Variants in PIK3AP1 observed in about 807,000 individuals in gnomAD.
PIK3AP1 encodes the protein phosphoinositide 3-kinase adapter protein 1.
In PIK3AP1, 21 loss-of-function variants were observed where a neutral mutation model predicts 88.1. The ratio of observed to expected loss-of-function variants is 0.24; its 90% CI spans 0.17 to 0.34. The LOEUF is 0.34. Among genes scored for constraint, PIK3AP1 ranks in the 10% least tolerant of loss-of-function variants. The pLI is 1.00. For missense variants in PIK3AP1, 828 were observed against 1,035.7 expected, an observed-to-expected ratio of 0.80 and a Z score of 2.75; for synonymous variants, 398 against 400.0, an observed-to-expected ratio of 1.00 and a Z score of 0.06.
In PIK3AP1 at chr10:96,656,688, A is replaced by T. The variant is rs1338728505; in HGVS notation, c.567+110T>A. 5 of 1,443,190 alleles carry T rather than the reference A, an allele frequency of 3.5e-6. No individual in the cohort carries two copies. The African/African-American group carries it at 7.1e-5, about 20-fold the overall frequency. 89.4% of individuals were successfully genotyped at this position (1,443,190 alleles called of 1,614,324 possible). On this transcript the variant is annotated intron_variant, in intron 3 of 16. Coordinates refer to ENST00000339364, the MANE Select transcript of PIK3AP1 (RefSeq NM_152309.3). ...AAAAGAAATCCCAAAGGAAGGCTGC[A>T]ATTATACTGAGGTGCAATACAAGAA...
chr10:96,673,453 G>A (rs181090455), intron 2 of PIK3AP1, among the ~76,000 whole-genome samples: 10 of 152,174 alleles, frequency 6.6e-5, no homozygotes, highest in Admixed American at 3.9e-4. Flanking sequence ...CTGTTTCCTC[G>A]TTCAGGAAAC....
At chr10:96,656,727 C>T (rs775124164) in intron 3 of PIK3AP1, 71 bp downstream of exon 3, 62 of 1,579,224 alleles carry the variant, frequency 3.9e-5, no homozygotes, top group Non-Finnish European at 5.3e-5. Context: ...ACTCTCTTTA[C>T]TGCAACAAAT....
At chr10:96,645,340 T>C in intron 8 of PIK3AP1, 133 bp downstream of exon 8, 1 of 859,358 alleles carries the variant, frequency 1.2e-6, no homozygotes, top group South Asian at 1.9e-5. Context: ...CCTAGCTTTG[T>C]GTAAAACAGG....
At chr10:96,597,340 C>A in intron 16 of PIK3AP1, among the ~76,000 whole-genome samples, 1 of 14,328 alleles carries the variant, frequency 7.0e-5, no homozygotes, top group Non-Finnish European at 2.1e-4. Context: ...CTTTCCTTCC[C>A]TCCCTCCCTC....
intron 2 of PIK3AP1, among the ~76,000 whole-genome samples, chr10:96,659,800 A>G (rs1441011442): frequency 1.3e-5 from 2 of 152,120 alleles, no homozygotes; most frequent in Admixed American, 1.3e-4. Context: ...TAACCATGAA[A>G]AAAAGTAATA....
intron 3 of PIK3AP1, among the ~76,000 whole-genome samples, chr10:96,655,492 G>C (rs977669084): frequency 5.3e-5 from 8 of 152,146 alleles, no homozygotes; most frequent in African/African-American, 4.8e-5. Context: ...GGATGAGAGA[G>C]ACAGACTCTG....
intron 11 of PIK3AP1, chr10:96,620,798 C>G: frequency 2.1e-6 from 1 of 477,740 alleles, no homozygotes; most frequent in Non-Finnish European, 3.8e-6. Context: ...GTGAAATCTG[C>G]TGACTCTCCC....
intron 2 of PIK3AP1, among the ~76,000 whole-genome samples, chr10:96,700,343 C>T (rs1844281287): frequency 1.3e-5 from 2 of 152,042 alleles, no homozygotes; most frequent in Admixed American, 1.3e-4. Context: ...TTTCCATGGG[C>T]ACAAAATCTA....
intron 8 of PIK3AP1, among the ~76,000 whole-genome samples, chr10:96,629,858 C>G (rs774481927): frequency 1.4e-4 from 19 of 140,134 alleles, no homozygotes; most frequent in Non-Finnish European, 2.6e-4. Context: ...CATGCCACTG[C>G]ACTCCAGCCG....
At chr10:96,662,805 C>T (rs1843707938) in intron 2 of PIK3AP1, among the ~76,000 whole-genome samples, 1 of 137,510 alleles carries the variant, frequency 7.3e-6, no homozygotes, top group South Asian at 2.4e-4. Context: ...TGGCGTGAAC[C>T]GGGGAAGCGG....
intron 12 of PIK3AP1, among the ~76,000 whole-genome samples, chr10:96,618,444 T>C (rs1050343328): frequency 6.6e-6 from 1 of 152,172 alleles, no homozygotes; most frequent in African/African-American, 2.4e-5. Flanking sequence ...CCCTTCTCAT[T>C]TCCCTTAACC....
chr10:96,614,729 G>A (rs973747676), intron 13 of PIK3AP1, among the ~76,000 whole-genome samples: 1 of 152,188 alleles, frequency 6.6e-6, no homozygotes, highest in Non-Finnish European at 1.5e-5. Context: ...ATTTGGCAGG[G>A]TGCCTGGTGC....
chr10:96,633,576 T>C (rs112632034), intron 8 of PIK3AP1, among the ~76,000 whole-genome samples: 1 of 152,170 alleles, frequency 6.6e-6, no homozygotes, highest in African/African-American at 2.4e-5. Context: ...TTACTATTAT[T>C]ATTATTTTTA....
chr10:96,604,036 G>C lies in PIK3AP1; in HGVS notation c.2184C>G (p.Asn728Lys), dbSNP rs1848956836. 1 of 1,603,690 alleles carries C rather than the reference G, an allele frequency of 6.2e-7. No individual in the cohort carries two copies. The highest frequency in any genetic ancestry group is 8.5e-7 in the Non-Finnish European group (1 of 1,174,054). Residue 728 changes from asparagine to lysine, a missense_variant, in exon 15 of 17, where the codon AAC (asparagine) becomes AAG (lysine). Coordinates refer to ENST00000339364, the MANE Select transcript of PIK3AP1 (RefSeq NM_152309.3). Reference sequence around the variant, plus strand: ...TGAGGAGGCTCCGGGTGCTGGAGCGGTTACTTGTGCTACCTAAAGGGTAGA... The same window carrying C: ...TGAGGAGGCTCCGGGTGCTGGAGCGCTTACTTGTGCTACCTAAAGGGTAGA... Reference protein sequence around the residue: ...STSSTASSTSNRSSTRSLLSV... With the variant: ...STSSTASSTSKRSSTRSLLSV...
chr10:96,623,660 A>G, intron 10 of PIK3AP1, 123 bp from the exon 11 acceptor site: 2 of 818,992 alleles, frequency 2.4e-6, no homozygotes, highest in Non-Finnish European at 3.9e-6. Flanking sequence ...TTGTAGAAAG[A>G]GGCAATTAAT....
chr10:96,676,773 G>C (rs1163848751), intron 2 of PIK3AP1, among the ~76,000 whole-genome samples: 3 of 151,226 alleles, frequency 2.0e-5, no homozygotes, highest in Non-Finnish European at 4.4e-5. Context: ...TGGTCAAGTT[G>C]TATCTTCCAG....
rs3748230 is a variant in PIK3AP1, at chr10:96,656,966, C to T, written c.431-32G>A. The stretch of plus-strand genomic sequence containing the variant: ...AATAGAGGACACCGCTGAATGGGAA[C>T]GGCAGGAAGGAGAACTGTGGACATG... On this transcript the variant is annotated intron_variant, in intron 2 of 16. Transcript: ENST00000339364. 8.8e-5 allele frequency: 142 copies of T among 1,605,762 alleles called. 4 individuals are homozygous for T. In the East Asian group the frequency reaches 2.0e-3, roughly 23 times the overall value.
intron 3 of PIK3AP1, among the ~76,000 whole-genome samples, chr10:96,653,647 C>T (rs11188875): frequency 0.26 from 39,652 of 151,430 alleles, 5,357 homozygotes; most frequent in East Asian, 0.4. Context: ...GCCACCACAC[C>T]CGGCAAATTT....
intron 13 of PIK3AP1, among the ~76,000 whole-genome samples, chr10:96,612,243 TCTGTGAGGCCATGGCTC>T (rs1274866361): frequency 2.0e-5 from 3 of 152,172 alleles, no homozygotes; most frequent in Non-Finnish European, 4.4e-5. Flanking sequence ...GATTATCTTC[TCTGTGAGGCCATGGCTC>T]TCACCAGCCC....
Sources: allele counts gnomAD v4.1 joint callset (sites outside exome capture counted in the v4.1 genomes callset), GRCh38; gene constraint gnomAD v4.1.1; transcripts MANE v1.5; gene names NCBI Gene and HGNC (gene_info 2026-07-23, HGNC 2026-07-21).